The following SHROOM3 variants were observed in gnomAD, a reference collection of about 807,000 sequenced individuals.
SHROOM3 encodes shroom family member 3.
SHROOM3 carries 47 observed loss-of-function variants against 138.6 expected under a neutral mutation model. That is an observed-to-expected ratio of 0.34 (90% CI 0.27 to 0.43). SHROOM3 has a LOEUF of 0.43. Ranked by LOEUF, SHROOM3 falls within the 20% of genes least tolerant of loss-of-function variation. The probability of loss-of-function intolerance (pLI) is 1.00; values close to 1 mark genes in which losing one functional copy is unlikely to be tolerated. For synonymous variants in SHROOM3, 1,062 were observed against 1,063.3 expected (o/e 1.00, Z 0.02); for missense variants, 2,491 against 2,596.5 (o/e 0.96, Z 0.88).
chr4:76,759,754 T>A (rs1186510201), intron 9 of SHROOM3, 59 bp downstream of exon 9: 3 of 1,579,016 alleles, frequency 1.9e-6, no homozygotes, highest in East Asian at 4.7e-5. Context: ...ACAAGGTCCA[T>A]GTAATCAGCG....
intron 2 of SHROOM3, among the ~76,000 whole-genome samples, chr4:76,556,846 C>T (rs1733493191): frequency 1.3e-5 from 2 of 152,164 alleles, no homozygotes; most frequent in African/African-American, 4.8e-5. Flanking sequence ...AACAGCAGCT[C>T]CTCCCAGCCA....
At chr4:76,516,258 A>G (rs1438855573) in intron 1 of SHROOM3, among the ~76,000 whole-genome samples, 2 of 152,146 alleles carry the variant, frequency 1.3e-5, no homozygotes, top group Non-Finnish European at 2.9e-5. Flanking sequence ...CTTTCTCTCT[A>G]GCCTGGTCAA....
chr4:76,660,719 A>G (rs988821014), intron 2 of SHROOM3, among the ~76,000 whole-genome samples: 2 of 151,970 alleles, frequency 1.3e-5, no homozygotes, highest in Non-Finnish European at 2.9e-5. Context: ...CAGGTAATCC[A>G]CCTGCCTCAG....
chr4:76,646,485 GA>G (rs2110085786), intron 2 of SHROOM3, among the ~76,000 whole-genome samples: 1 of 152,006 alleles, frequency 6.6e-6, no homozygotes, highest in South Asian at 2.1e-4. Flanking sequence ...CCCATGTCAT[GA>G]TCTAGCATTT....
At chr4:76,451,210 A>G (rs1730920012) in intron 1 of SHROOM3, among the ~76,000 whole-genome samples, 1 of 152,170 alleles carries the variant, frequency 6.6e-6, no homozygotes, top group African/African-American at 2.4e-5. Flanking sequence ...TCAGCCTCCC[A>G]AAGTGCTGGG....
intron 10 of SHROOM3, among the ~76,000 whole-genome samples, chr4:76,775,321 G>GGTGGGTGTGTGT (rs1553954327): frequency 1.3e-5 from 2 of 149,110 alleles, no homozygotes; most frequent in African/African-American, 2.5e-5. Context: ...TAGTCCATGG[G>GGTGGGTGTGTGT]GTGTGTGTGT....
At chr4:76,459,809 G>A (rs1560512636) in intron 1 of SHROOM3, among the ~76,000 whole-genome samples, 1 of 152,180 alleles carries the variant, frequency 6.6e-6, no homozygotes, top group East Asian at 1.9e-4. Flanking sequence ...CTGAGAAGCA[G>A]CGAGAGTGGC....
At chr4:76,585,228 CTCT>C (rs1455413841) in intron 2 of SHROOM3, among the ~76,000 whole-genome samples, 1 of 152,182 alleles carries the variant, frequency 6.6e-6, no homozygotes, top group Non-Finnish European at 1.5e-5. Context: ...CTCCCTTTCT[CTCT>C]TCTTTCTGTG....
At chr4:76,707,080 G>A (rs532128701) in intron 2 of SHROOM3, among the ~76,000 whole-genome samples, 33 of 152,176 alleles carry the variant, frequency 2.2e-4, no homozygotes, top group Non-Finnish European at 4.3e-4. Context: ...CTTCTACAAT[G>A]TATCGTTGGT....
At chr4:76,626,411 A>T (rs1478141418) in intron 2 of SHROOM3, among the ~76,000 whole-genome samples, 1 of 152,198 alleles carries the variant, frequency 6.6e-6, no homozygotes, top group African/African-American at 2.4e-5. Context: ...GCAGCTTAAA[A>T]CTGTTCTTTC....
intron 2 of SHROOM3, among the ~76,000 whole-genome samples, chr4:76,670,797 A>G (rs1718856311): frequency 6.6e-6 from 1 of 152,034 alleles, no homozygotes; most frequent in Non-Finnish European, 1.5e-5. Context: ...TACTAAACAT[A>G]CAAAAATTAG....
At chr4:76,655,328 T>G (rs779188898) in intron 2 of SHROOM3, among the ~76,000 whole-genome samples, 5 of 152,180 alleles carry the variant, frequency 3.3e-5, no homozygotes, top group African/African-American at 7.2e-5. Context: ...GACACAGTGC[T>G]AAGGACACAG....
intron 2 of SHROOM3, among the ~76,000 whole-genome samples, chr4:76,643,271 C>G (rs1299106641): frequency 1.3e-5 from 2 of 151,436 alleles, no homozygotes; most frequent in Non-Finnish European, 2.9e-5. Context: ...TGTTAAATGC[C>G]AGTCACTGTT....
chr4:76,584,017 TA>T (rs1402970983), intron 2 of SHROOM3, among the ~76,000 whole-genome samples: 2 of 152,210 alleles, frequency 1.3e-5, no homozygotes, highest in East Asian at 1.9e-4. Context: ...TTAGTTTCCC[TA>T]AAGAGTGACA....
intron 1 of SHROOM3, among the ~76,000 whole-genome samples, chr4:76,503,627 C>T (rs1002442953): frequency 2.6e-5 from 4 of 152,102 alleles, no homozygotes; most frequent in Admixed American, 2.0e-4. Flanking sequence ...CAGGGTTTCA[C>T]CATGTTGGCC....
At chr4:76,746,639 T>G (rs1452772775) in intron 5 of SHROOM3, among the ~76,000 whole-genome samples, 4 of 152,152 alleles carry the variant, frequency 2.6e-5, no homozygotes, top group Non-Finnish European at 5.9e-5. Context: ...TTCATAAGGA[T>G]TTCTAGTTAT....
chr4:76,675,732 T>C (rs1210512849), intron 2 of SHROOM3, among the ~76,000 whole-genome samples: 1 of 152,208 alleles, frequency 6.6e-6, no homozygotes, highest in East Asian at 1.9e-4. Context: ...GATGTGTGCC[T>C]GTAGTCTCAC....
At chr4:76,636,785 G>A (rs1225923858) in intron 2 of SHROOM3, among the ~76,000 whole-genome samples, 1 of 152,164 alleles carries the variant, frequency 6.6e-6, no homozygotes, top group Admixed American at 6.5e-5. Context: ...TCCTGGCTAG[G>A]GTTGGTAACC....
chr4:76,578,729 T>C (rs1164858603), intron 2 of SHROOM3, among the ~76,000 whole-genome samples: 1 of 152,206 alleles, frequency 6.6e-6, no homozygotes, highest in Non-Finnish European at 1.5e-5. Flanking sequence ...ATTTTTACCC[T>C]TTACATAGAT....
Sources: gnomAD v4.1 joint callset for allele counts (sites outside exome capture counted in the v4.1 genomes callset) on GRCh38, gnomAD v4.1.1 for gene constraint, MANE v1.5 for transcripts, NCBI Gene and HGNC (gene_info 2026-07-23, HGNC 2026-07-21) for gene names.